Variants in MTDH observed in about 807,000 individuals in gnomAD.
MTDH encodes the protein metadherin, also known as protein LYRIC.
Under a neutral mutation model 72.7 loss-of-function variants are expected in MTDH, and 34 were observed. That is an observed-to-expected ratio of 0.47 (90% CI 0.36 to 0.62). The LOEUF is 0.62. MTDH is among the 20% of genes least tolerant of loss of function. The probability of loss-of-function intolerance (pLI) is 0.00; values close to 1 mark genes in which losing one functional copy is unlikely to be tolerated. For missense variants in MTDH, 677 were observed against 699.4 expected (o/e 0.97, Z 0.36); for synonymous variants, 266 against 268.9 (o/e 0.99, Z 0.10).
chr8:97,694,075 C>G (rs1586254916), intron 6 of MTDH, among the ~76,000 whole-genome samples: 1 of 152,024 alleles, frequency 6.6e-6, no homozygotes, highest in South Asian at 2.1e-4. Context: ...GATTTTTTCT[C>G]TTGTGCTTAT....
chr8:97,722,274 G>A (rs1056052511), intron 10 of MTDH, among the ~76,000 whole-genome samples: 5 of 152,022 alleles, frequency 3.3e-5, no homozygotes, highest in Non-Finnish European at 7.4e-5. Context: ...AAAAAGAAAA[G>A]CATAAAATCA....
intron 2 of MTDH, among the ~76,000 whole-genome samples, chr8:97,682,344 G>T (rs1219558021): frequency 1.7e-5 from 2 of 117,440 alleles, no homozygotes; most frequent in African/African-American, 6.6e-5. Flanking sequence ...TGTCGCCCAG[G>T]CTGGAGTGTA....
At chr8:97,673,026 G>A (rs557964832) in intron 2 of MTDH, among the ~76,000 whole-genome samples, 7 of 152,256 alleles carry the variant, frequency 4.6e-5, no homozygotes, top group African/African-American at 1.7e-4. Flanking sequence ...AGACACGGCT[G>A]TATGTAATTC....
At chr8:97,665,976 A>C (rs1013769202) in intron 2 of MTDH, among the ~76,000 whole-genome samples, 1 of 152,060 alleles carries the variant, frequency 6.6e-6, no homozygotes, top group African/African-American at 2.4e-5. Flanking sequence ...AAAATACAAA[A>C]AATTAGCCGG....
chr8:97,706,847 T>C (rs1814375798), intron 8 of MTDH, 97 bp downstream of exon 8: 4 of 1,377,668 alleles, frequency 2.9e-6, no homozygotes, highest in African/African-American at 1.5e-5. Flanking sequence ...TGGGAGGTAC[T>C]GTGGGAGGAT....
At chr8:97,708,303 A>G (rs150392481) in intron 8 of MTDH, among the ~76,000 whole-genome samples, 3,024 of 57,090 alleles carry the variant, frequency 0.053, 93 homozygotes, top group African/African-American at 0.15. Flanking sequence ...TTTTTTTGAG[A>G]TGGAGTTTCG....
chr8:97,693,830 C>G (rs1285941451), intron 6 of MTDH, among the ~76,000 whole-genome samples: 1 of 152,068 alleles, frequency 6.6e-6, no homozygotes, highest in African/African-American at 2.4e-5. Flanking sequence ...ATCTTCCTGC[C>G]TTAGCCTTCT....
intron 2 of MTDH, among the ~76,000 whole-genome samples, chr8:97,676,636 A>G (rs1044551875): frequency 6.6e-6 from 1 of 152,144 alleles, no homozygotes; most frequent in African/African-American, 2.4e-5. Context: ...TGGGAGGCCA[A>G]GGTGGGTGGA....
At chr8:97,653,773 A>G (rs1323055827) in intron 1 of MTDH, among the ~76,000 whole-genome samples, 3 of 152,230 alleles carry the variant, frequency 2.0e-5, no homozygotes, top group Admixed American at 6.5e-5. Context: ...ATCAGTTTTA[A>G]AATGCACTTG....
At chr8:97,678,874 CT>C (rs1812959165) in intron 2 of MTDH, among the ~76,000 whole-genome samples, 1 of 152,114 alleles carries the variant, frequency 6.6e-6, no homozygotes, top group Non-Finnish European at 1.5e-5. Context: ...GGAAAGCTTA[CT>C]TAACAAGATG....
intron 2 of MTDH, among the ~76,000 whole-genome samples, chr8:97,684,993 G>A (rs62521694): frequency 6.6e-6 from 1 of 152,086 alleles, no homozygotes; most frequent in East Asian, 1.9e-4. Context: ...TTGAACCTGG[G>A]AGGCAGAGGT....
In MTDH at chr8:97,728,800, C is replaced by A. The variant is rs1437198109; in HGVS notation, c.*4130C>A. On this transcript the variant is annotated 3_prime_UTR_variant, in exon 12 of 12. Transcript: ENST00000336273. ...ATTAGAAACAAAAAAAAGATTGTTT[C>A]TCTTTCATATTAAAGTTTGGGAAGG... 1.3e-5 allele frequency: 2 copies of A among 150,682 alleles called. No homozygotes were observed. The highest frequency in any genetic ancestry group is 3.0e-5 in the Non-Finnish European group (2 of 67,728). 9.3% of individuals were successfully genotyped at this position (150,682 alleles called of 1,614,324 possible).
intron 9 of MTDH, among the ~76,000 whole-genome samples, chr8:97,715,940 A>T (rs1586281493): frequency 6.6e-6 from 1 of 152,072 alleles, no homozygotes; most frequent in Non-Finnish European, 1.5e-5. Context: ...ATAATGAATA[A>T]GTATTCTAGG....
At chr8:97,665,689 A>T (rs557152311) in intron 2 of MTDH, among the ~76,000 whole-genome samples, 2 of 152,336 alleles carry the variant, frequency 1.3e-5, no homozygotes, top group South Asian at 4.1e-4. Flanking sequence ...CATTATTTAG[A>T]TTAAACAAAT....
chr8:97,729,361 T>C lies in MTDH; in HGVS notation c.*4691T>C, dbSNP rs773149534. Reference sequence around the variant, plus strand: ...CTTCTTGGAAGTTACACACAATACATAAACTTCAATTTCAAACAGTTGCTT... The same window carrying C: ...CTTCTTGGAAGTTACACACAATACACAAACTTCAATTTCAAACAGTTGCTT... On this transcript the variant is annotated 3_prime_UTR_variant, in exon 12 of 12. Transcript: ENST00000336273. Among the ~76,000 whole-genome samples, 5 of 152,098 alleles carry C rather than the reference T, an allele frequency of 3.3e-5. No homozygotes were observed. The highest frequency in any genetic ancestry group is 7.4e-5 in the Non-Finnish European group (5 of 68,026).
chr8:97,682,245 TATATA>T (rs1813127889), intron 2 of MTDH, among the ~76,000 whole-genome samples: 2 of 12,138 alleles, frequency 1.6e-4, no homozygotes, highest in African/African-American at 4.4e-4. Context: ...TATATATATA[TATATA>T]TATATATATA....
intron 2 of MTDH, among the ~76,000 whole-genome samples, chr8:97,680,919 G>A (rs1435299044): frequency 6.6e-6 from 1 of 152,162 alleles, no homozygotes; most frequent in Admixed American, 6.5e-5. Context: ...TTGCTTTTAA[G>A]AAGCTTATTA....
Position 97,667,401 on chromosome 8 carries a change from A to G in MTDH, c.483+6228A>G, listed in dbSNP as rs145239519. On this transcript the variant is annotated intron_variant, in intron 2 of 11. Coordinates refer to ENST00000336273, the MANE Select transcript of MTDH (RefSeq NM_178812.4). ...TTATTAAATCTCAGTTCTTAAACAC[A>G]TGCTTTTTAATCTGTGTGATGAAAT... Among the ~76,000 whole-genome samples, 693 of 152,360 alleles carry G rather than the reference A, an allele frequency of 4.5e-3. 8 individuals are homozygous for G. Among genetic ancestry groups the G allele is most frequent in the African/African-American group, 0.016 (646 of 41,588 alleles).
intron 2 of MTDH, among the ~76,000 whole-genome samples, chr8:97,671,496 A>T (rs1308115024): frequency 2.6e-5 from 4 of 152,216 alleles, no homozygotes; most frequent in Admixed American, 1.3e-4. Flanking sequence ...CGTATAATTT[A>T]TGATTATTTT....
Sources: allele counts gnomAD v4.1 joint callset (sites outside exome capture counted in the v4.1 genomes callset), GRCh38; gene constraint gnomAD v4.1.1; transcripts MANE v1.5; gene names NCBI Gene and HGNC (gene_info 2026-07-23, HGNC 2026-07-21).